KHDRBS2: variants seen among roughly 807,000 people sequenced by gnomAD.
KHDRBS2 encodes KH RNA binding domain containing, signal transduction associated 2.
Under a neutral mutation model 44.3 loss-of-function variants are expected in KHDRBS2, and 26 were observed. The observed-to-expected ratio is 0.59, with a 90% confidence interval of 0.43 to 0.81. The LOEUF (loss-of-function observed/expected upper bound fraction) is 0.81, where lower values mean the gene tolerates loss of function less well. KHDRBS2 is among the 40% of genes least tolerant of loss of function. The pLI is 0.00. For synonymous variants in KHDRBS2, 194 were observed against 151.1 expected (o/e 1.28, Z -2.08); for missense variants, 476 against 433.1 (o/e 1.10, Z -0.88).
the KHDRBS2 span, among the ~76,000 whole-genome samples, chr6:61,628,632 C>T: frequency 6.6e-6 from 1 of 152,174 alleles, no homozygotes; most frequent in Non-Finnish European, 1.5e-5. Flanking sequence ...GGCTCTGTCT[C>T]CCTTTGTACT....
At chr6:61,963,913 C>T (rs952869833) in intron 4 of KHDRBS2, among the ~76,000 whole-genome samples, 16 of 151,936 alleles carry the variant, frequency 1.1e-4, no homozygotes, top group African/African-American at 3.9e-4. Context: ...ATTGTTTCTT[C>T]CTTTACACCT....
At chr6:61,568,264 C>A in the KHDRBS2 span, among the ~76,000 whole-genome samples, 1 of 152,138 alleles carries the variant, frequency 6.6e-6, no homozygotes, top group African/African-American at 2.4e-5. Flanking sequence ...AATTTGAAGA[C>A]AAGTAAAGTG....
intron 1 of KHDRBS2, among the ~76,000 whole-genome samples, chr6:62,241,517 T>C (rs1338740216): frequency 6.6e-6 from 1 of 151,932 alleles, no homozygotes; most frequent in Non-Finnish European, 1.5e-5. Context: ...TTCCACATAG[T>C]TTTATGTGAT....
At chr6:61,682,021 G>T (rs534719561) in intron 8 of KHDRBS2, among the ~76,000 whole-genome samples, 2 of 151,954 alleles carry the variant, frequency 1.3e-5, no homozygotes, top group East Asian at 2.0e-4. Context: ...AGGAAAGAAG[G>T]TTACTAGAGA....
intron 8 of KHDRBS2, among the ~76,000 whole-genome samples, chr6:61,683,205 T>C (rs1561965647): frequency 6.6e-6 from 1 of 151,882 alleles, no homozygotes; most frequent in Non-Finnish European, 1.5e-5. Flanking sequence ...AGTGACAGAA[T>C]ACTTGTCACA....
chr6:62,081,613 C>A (rs779246663), intron 2 of KHDRBS2, among the ~76,000 whole-genome samples: 6 of 152,092 alleles, frequency 3.9e-5, no homozygotes, highest in Admixed American at 2.0e-4. Context: ...AAGGAAAGAT[C>A]TTCCAAAATC....
intron 8 of KHDRBS2, among the ~76,000 whole-genome samples, chr6:61,696,578 G>T (rs1336412951): frequency 6.6e-6 from 1 of 151,812 alleles, no homozygotes; most frequent in African/African-American, 2.4e-5. Flanking sequence ...TTAAAGAATC[G>T]CAAACTATGT....
the KHDRBS2 span, among the ~76,000 whole-genome samples, chr6:61,626,981 C>T: frequency 5.3e-5 from 8 of 151,890 alleles, no homozygotes; most frequent in East Asian, 1.9e-4. Flanking sequence ...GGGCCGGGCG[C>T]GGTGGCTCAC....
chr6:61,857,929 A>T (rs1796374944), intron 6 of KHDRBS2, among the ~76,000 whole-genome samples: 1 of 152,006 alleles, frequency 6.6e-6, no homozygotes, highest in South Asian at 2.1e-4. Context: ...ATGATTTAAA[A>T]TTTATATTAT....
intron 2 of KHDRBS2, among the ~76,000 whole-genome samples, chr6:62,049,123 T>A (rs9342637): frequency 3.3e-5 from 5 of 151,516 alleles, no homozygotes; most frequent in African/African-American, 4.8e-5. Context: ...ATTTTTTTAC[T>A]GGAGTATGGA....
rs1774670608 is a variant in KHDRBS2 at position 61,732,667 on chromosome 6, T to C, written c.893+15A>G. On this transcript the variant is annotated intron_variant, in intron 7 of 8. Coordinates refer to ENST00000281156, the MANE Select transcript of KHDRBS2 (RefSeq NM_152688.4). ...ATAATCCTGAGAAGGCTGCTTTAGA[T>C]AGCAAATGCCTTACCTTTGTGTTTG... The C allele has an allele frequency of 6.5e-7, 1 of 1,527,306 alleles. No homozygotes were observed. Among genetic ancestry groups the C allele is most frequent in the East Asian group, 2.3e-5 (1 of 44,332 alleles). 94.6% of individuals were successfully genotyped at this position (1,527,306 alleles called of 1,614,324 possible).
chr6:62,045,201 T>C (rs568804241), intron 3 of KHDRBS2, among the ~76,000 whole-genome samples: 3 of 152,196 alleles, frequency 2.0e-5, no homozygotes, highest in African/African-American at 4.8e-5. Context: ...TGCGAATTAC[T>C]TTCCAGGAGT....
intron 6 of KHDRBS2, among the ~76,000 whole-genome samples, chr6:61,860,027 G>C (rs1796693254): frequency 6.6e-6 from 1 of 151,786 alleles, no homozygotes; most frequent in Non-Finnish European, 1.5e-5. Flanking sequence ...CAATGTTTGA[G>C]AATAAAATTA....
At chr6:62,249,374 A>AT (rs1836151277) in intron 1 of KHDRBS2, among the ~76,000 whole-genome samples, 1 of 152,078 alleles carries the variant, frequency 6.6e-6, no homozygotes, top group Admixed American at 6.6e-5. Context: ...ATAAGAGAAT[A>AT]TTTTAACCTA....
chr6:61,819,839 G>T (rs574079395), intron 6 of KHDRBS2, among the ~76,000 whole-genome samples: 1 of 151,950 alleles, frequency 6.6e-6, no homozygotes, highest in Non-Finnish European at 1.5e-5. Flanking sequence ...CAACTGATAA[G>T]AATAAAATGG....
intron 1 of KHDRBS2, among the ~76,000 whole-genome samples, chr6:62,231,487 GGGGATTAGAGGTCCTTTCCTTGAC>G: frequency 6.6e-6 from 1 of 152,100 alleles, no homozygotes; most frequent in East Asian, 1.9e-4. Context: ...CTCTACCCTT[GGGGATTAGAGGTCCTTTCCTTGAC>G]ACACGGGGAT....
the KHDRBS2 span, among the ~76,000 whole-genome samples, chr6:61,618,701 C>T: frequency 3.3e-5 from 5 of 152,304 alleles, no homozygotes; most frequent in South Asian, 8.3e-4. Flanking sequence ...TTAGCTCCCA[C>T]TTCTAAGTGA....
chr6:61,551,375 T>C, the KHDRBS2 span, among the ~76,000 whole-genome samples: 1 of 152,188 alleles, frequency 6.6e-6, no homozygotes, highest in South Asian at 2.1e-4. Flanking sequence ...TTTAATTAGG[T>C]CCCATTTGCC....
the KHDRBS2 span, among the ~76,000 whole-genome samples, chr6:61,619,548 G>A: frequency 2.7e-3 from 414 of 152,202 alleles, 4 homozygotes; most frequent in Admixed American, 4.4e-3. Flanking sequence ...TCTGCCTCCC[G>A]GATTCTAGTG....
Sources: gnomAD v4.1 joint callset for allele counts (sites outside exome capture counted in the v4.1 genomes callset) on GRCh38, gnomAD v4.1.1 for gene constraint, MANE v1.5 for transcripts, NCBI Gene and HGNC (gene_info 2026-07-23, HGNC 2026-07-21) for gene names.